The following EZH2 variants were observed in gnomAD, a reference collection of about 807,000 sequenced individuals.
EZH2 encodes histone-lysine N-methyltransferase EZH2.
Under a neutral mutation model 98.4 loss-of-function variants are expected in EZH2, and 18 were observed. The ratio of observed to expected loss-of-function variants is 0.18; its 90% CI spans 0.13 to 0.27. The LOEUF (loss-of-function observed/expected upper bound fraction) is 0.27. Among genes scored for constraint, EZH2 ranks in the 10% least tolerant of loss-of-function variants. The probability of loss-of-function intolerance (pLI) is 1.00; values close to 1 mark genes in which losing one functional copy is unlikely to be tolerated. For missense variants in EZH2, 470 were observed against 935.1 expected (o/e 0.50, Z 6.49); for synonymous variants, 338 against 312.3 (o/e 1.08, Z -0.87).
chr7:148,808,646 A>G (rs1357395715), intron 19 of EZH2, among the ~76,000 whole-genome samples: 1 of 152,234 alleles, frequency 6.6e-6, no homozygotes, highest in Admixed American at 6.5e-5. Context: ...TAAGTATTAT[A>G]GCAAACAATA....
chr7:148,837,534 C>T (rs762337420), intron 3 of EZH2, among the ~76,000 whole-genome samples: 3 of 152,070 alleles, frequency 2.0e-5, no homozygotes, highest in Non-Finnish European at 2.9e-5. Flanking sequence ...TGAAAATGAC[C>T]GTGTATATAA....
At chr7:148,822,588 A>T (rs1806460572) in intron 8 of EZH2, among the ~76,000 whole-genome samples, 1 of 152,086 alleles carries the variant, frequency 6.6e-6, no homozygotes, top group South Asian at 2.1e-4. Context: ...ATATTTCAAA[A>T]AACCTAATTT....
At chr7:148,871,397 A>C (rs1819359241) in intron 1 of EZH2, among the ~76,000 whole-genome samples, 2 of 128,156 alleles carry the variant, frequency 1.6e-5, no homozygotes, top group African/African-American at 6.3e-5. Flanking sequence ...ATAAAAGACG[A>C]ATAATTAAAA....
intron 1 of EZH2, among the ~76,000 whole-genome samples, chr7:148,857,312 A>AAACCAACC (rs764218272): frequency 6.6e-6 from 1 of 152,242 alleles, no homozygotes; most frequent in Non-Finnish European, 1.5e-5. Flanking sequence ...TTGGATCCTG[A>AAACCAACC]AACCAACCAA....
intron 1 of EZH2, among the ~76,000 whole-genome samples, chr7:148,879,379 A>G (rs952151806): frequency 1.3e-5 from 2 of 151,788 alleles, no homozygotes; most frequent in East Asian, 3.9e-4. Flanking sequence ...AGTGAAACCC[A>G]GTTTCTACTA....
chr7:148,867,261 G>A (rs1033278956), intron 1 of EZH2, among the ~76,000 whole-genome samples: 1 of 152,032 alleles, frequency 6.6e-6, no homozygotes, highest in Non-Finnish European at 1.5e-5. Context: ...AGGAGGCGGA[G>A]GTTGCAGTGG....
At chr7:148,816,926 C>T in intron 11 of EZH2, 148 bp from the exon 12 acceptor site, 1 of 638,146 alleles carries the variant, frequency 1.6e-6, no homozygotes, top group South Asian at 1.9e-5. Flanking sequence ...TCCCTACCCT[C>T]ACATTAGGGG....
At chr7:148,867,089 A>G (rs1225779799) in intron 1 of EZH2, among the ~76,000 whole-genome samples, 5 of 150,488 alleles carry the variant, frequency 3.3e-5, no homozygotes, top group Non-Finnish European at 7.4e-5. Flanking sequence ...CACTTTGGGA[A>G]GCCGAGGCAG....
At chr7:148,819,546 T>C (rs371999730) in intron 9 of EZH2, 50 bp downstream of exon 9, 2 of 1,488,542 alleles carry the variant, frequency 1.3e-6, no homozygotes, top group South Asian at 1.1e-5. Flanking sequence ...TCCACCAAAG[T>C]GCAAAGTCCT....
rs761247972 is a variant in EZH2 at position 148,846,585 on chromosome 7, G to C, written c.131C>G (p.Ser44Cys). Residue 44 changes from serine to cysteine, a missense_variant, in exon 3 of 20, where the codon TCC becomes TGC. Around this residue, in one of 6 missense-constraint regions of EZH2, gnomAD observed 79 missense variants for 122.1 expected, o/e 0.65. Coordinates refer to ENST00000320356, the MANE Select transcript of EZH2 (RefSeq NM_004456.5). ...TCTTTCCAAAATTTTCTGACGATTG[G>C]AACTAAACATACTCTTAAAAAAAAA... ...RADEVKSMFS[S>C]NRQKILERTE... 1.3e-6 allele frequency: 2 copies of C among 1,591,804 alleles called. No homozygotes were observed. The highest frequency in any genetic ancestry group is 1.5e-5 in the African/African-American group (1 of 65,056).
chr7:148,823,216 T>C (rs1002734768), intron 8 of EZH2, among the ~76,000 whole-genome samples: 1 of 152,232 alleles, frequency 6.6e-6, no homozygotes, highest in African/African-American at 2.4e-5. Flanking sequence ...CATCCCCATA[T>C]GGCAGGTCAT....
chr7:148,847,592 A>G (rs1814484555), intron 1 of EZH2, among the ~76,000 whole-genome samples: 1 of 152,270 alleles, frequency 6.6e-6, no homozygotes, highest in Non-Finnish European at 1.5e-5. Context: ...ATACTATACT[A>G]TATCACAACC....
intron 7 of EZH2, 52 bp from the exon 8 acceptor site, chr7:148,826,684 TTGAA>T: frequency 7.2e-7 from 1 of 1,382,068 alleles, no homozygotes; most frequent in African/African-American, 1.4e-5. Flanking sequence ...AATCACTTTT[TTGAA>T]AACAGTTTCT....
intron 7 of EZH2, 59 bp downstream of exon 7, chr7:148,827,105 C>A (rs1381670060): frequency 7.5e-7 from 1 of 1,336,494 alleles, no homozygotes; most frequent in South Asian, 1.3e-5. Flanking sequence ...TGTAATAAAC[C>A]AAAATGGTGA....
chr7:148,830,538 G>A (rs1358695520), intron 4 of EZH2, among the ~76,000 whole-genome samples: 1 of 152,014 alleles, frequency 6.6e-6, no homozygotes, highest in Non-Finnish European at 1.5e-5. Flanking sequence ...TAAAATTCTA[G>A]GGATACAGAG....
At chr7:148,854,164 C>T (rs1039702564) in intron 1 of EZH2, among the ~76,000 whole-genome samples, 2 of 152,134 alleles carry the variant, frequency 1.3e-5, no homozygotes, top group African/African-American at 4.8e-5. Flanking sequence ...AAAATTCTAC[C>T]GGGAGGCGCG....
rs752038271 is a variant in EZH2 at position 148,807,627 on chromosome 7, G to T, written c.*19C>A. 1 of 1,586,066 alleles carries T rather than the reference G, an allele frequency of 6.3e-7. No homozygotes were observed. The highest frequency in any genetic ancestry group is 2.3e-5 in the East Asian group (1 of 44,250). ...GCTAAGGCAGCTGTTTCAGAGGAGG[G>T]GGGAGGAGGTAGCAGATGTCAAGGG... On this transcript the variant is annotated 3_prime_UTR_variant, in exon 20 of 20. Coordinates refer to ENST00000320356, the MANE Select transcript of EZH2 (RefSeq NM_004456.5).
intron 16 of EZH2, among the ~76,000 whole-genome samples, 160 bp from the exon 17 acceptor site, chr7:148,810,574 A>T (rs1313375345): frequency 6.6e-6 from 1 of 152,230 alleles, no homozygotes; most frequent in African/African-American, 2.4e-5. Context: ...CTGCGCAGTA[A>T]TAAAGAATAA....
At chr7:148,809,794 T>C (rs1365970056) in intron 17 of EZH2, among the ~76,000 whole-genome samples, 1 of 152,242 alleles carries the variant, frequency 6.6e-6, no homozygotes, top group East Asian at 1.9e-4. Context: ...TTGTTCCAAC[T>C]AAGAGTTTCT....
Sources: gnomAD v4.1 joint callset for allele counts (sites outside exome capture counted in the v4.1 genomes callset) on GRCh38, gnomAD v4.1.1 for gene constraint, gnomAD v4.1.1 regional missense constraint, MANE v1.5 for transcripts, NCBI Gene and HGNC (gene_info 2026-07-23, HGNC 2026-07-21) for gene names.